Variants in TANC2 observed in about 807,000 individuals in gnomAD.
The protein encoded by TANC2 is protein TANC2.
TANC2 carries 26 observed loss-of-function variants against 210.5 expected under a neutral mutation model. The observed-to-expected ratio is 0.12, with a 90% CI of 0.09 to 0.17. TANC2 has a LOEUF of 0.17. Ranked by LOEUF, TANC2 falls within the 10% of genes least tolerant of loss-of-function variation. TANC2 has a pLI of 1.00. For missense variants in TANC2, 2,129 were observed against 2,608.9 expected (o/e 0.82, Z 4.01); for synonymous variants, 931 against 967.1 (o/e 0.96, Z 0.69).
intron 7 of TANC2, among the ~76,000 whole-genome samples, chr17:63,226,826 C>A (rs1263409667): frequency 6.6e-6 from 1 of 152,118 alleles, no homozygotes; most frequent in African/African-American, 2.4e-5. Flanking sequence ...TTGTTCCACT[C>A]CCACTTATAA....
chr17:63,083,842 C>T (rs2036864018), intron 3 of TANC2, among the ~76,000 whole-genome samples: 1 of 151,998 alleles, frequency 6.6e-6, no homozygotes, highest in African/African-American at 2.4e-5. Flanking sequence ...GTATAAATAC[C>T]ACTTAGTCAT....
intron 1 of TANC2, among the ~76,000 whole-genome samples, chr17:62,975,361 T>C (rs1349418265): frequency 1.3e-5 from 2 of 152,170 alleles, no homozygotes; most frequent in African/African-American, 4.8e-5. Context: ...TGTAATTCTA[T>C]TTCTGTTCAA....
exon 8 of TANC2, chr17:63,238,027 C>T: frequency 6.4e-7 from 1 of 1,557,100 alleles, no homozygotes; most frequent in Non-Finnish European, 8.7e-7. Context: ...TTATCTCAAT[C>T]AGTACAGTCT....
chr17:63,243,957 A>T (rs368350137), intron 8 of TANC2, among the ~76,000 whole-genome samples: 1 of 152,200 alleles, frequency 6.6e-6, no homozygotes, highest in African/African-American at 2.4e-5. Flanking sequence ...AGAAAAATGC[A>T]TGCCTTTTAC....
At chr17:63,358,994 G>GTGTA in intron 14 of TANC2, among the ~76,000 whole-genome samples, 1 of 151,936 alleles carries the variant, frequency 6.6e-6, no homozygotes, top group East Asian at 1.9e-4. Context: ...GTGTGTGTGT[G>GTGTA]TGTGTGTGTG....
chr17:62,974,649 G>A (rs1037078113), intron 1 of TANC2, among the ~76,000 whole-genome samples: 23 of 152,094 alleles, frequency 1.5e-4, no homozygotes, highest in African/African-American at 5.6e-4. Context: ...AGCTAAAATT[G>A]TAATTCAGAA....
chr17:63,270,376 C>A (rs2146285967), intron 9 of TANC2, among the ~76,000 whole-genome samples: 1 of 152,194 alleles, frequency 6.6e-6, no homozygotes, highest in South Asian at 2.1e-4. Context: ...ATTATTATAT[C>A]CACAATGTTG....
chr17:63,172,193 CTT>C (rs549414417), intron 5 of TANC2, among the ~76,000 whole-genome samples: 24 of 130,936 alleles, frequency 1.8e-4, no homozygotes, highest in Admixed American at 4.6e-4. Context: ...CTTTTCTTTT[CTT>C]TTTTTTTTTT....
At chr17:62,973,443 G>C (rs1272943760) in intron 1 of TANC2, among the ~76,000 whole-genome samples, 1 of 152,174 alleles carries the variant, frequency 6.6e-6, no homozygotes, top group Non-Finnish European at 1.5e-5. Context: ...TACATAGTAG[G>C]TGCTCATTAT....
intron 5 of TANC2, among the ~76,000 whole-genome samples, chr17:63,190,858 ACT>A (rs1278005376): frequency 4.6e-5 from 7 of 152,286 alleles, no homozygotes; most frequent in Non-Finnish European, 1.0e-4. Flanking sequence ...TTTTTAAATC[ACT>A]TTCTCTGTTC....
chr17:63,012,278 TC>T (rs1279753380), intron 2 of TANC2, among the ~76,000 whole-genome samples: 1 of 152,094 alleles, frequency 6.6e-6, no homozygotes, highest in African/African-American at 2.4e-5. Context: ...GCCTTGGCCT[TC>T]CAAAGTATTG....
At chr17:63,415,476 T>C in intron 25 of TANC2, 52 bp from the exon 26 acceptor site, 1 of 1,599,532 alleles carries the variant, frequency 6.3e-7, no homozygotes, top group Non-Finnish European at 8.5e-7. Context: ...CCACACTTCC[T>C]CAGCTGTTCA....
Position 63,418,010 on chromosome 17 carries a change from G to C in TANC2, c.4168-297G>C, listed in dbSNP as rs1184869782. ...TTCAGGAGCTTCACTGGAAAGGGTT[G>C]GTGTTTGGCTTCCGGGCTGAGAACT... On this transcript the variant is annotated intron_variant, in intron 26 of 27. Transcript: ENST00000689528. The surrounding 1 kb of genome is among the most constrained non-coding windows in gnomAD (Gnocchi z 4.6). 6.6e-6 allele frequency among the ~76,000 whole-genome samples: 1 copy of C among 152,150 alleles called. No individual in the cohort carries two copies. The highest frequency in any genetic ancestry group is 1.5e-5 in the Non-Finnish European group (1 of 68,022).
At chr17:63,200,580 A>G (rs1024563239) in intron 6 of TANC2, among the ~76,000 whole-genome samples, 191 bp from the exon 7 acceptor site, 2 of 152,178 alleles carry the variant, frequency 1.3e-5, no homozygotes, top group South Asian at 2.1e-4. Context: ...TGTTAATGTT[A>G]AGTTCATCAA....
At chr17:63,415,995 G>A (rs2048846182) in intron 26 of TANC2, among the ~76,000 whole-genome samples, 2 of 152,272 alleles carry the variant, frequency 1.3e-5, no homozygotes, top group South Asian at 4.1e-4. Context: ...TGTGAGAGCA[G>A]TGGTCACTAG....
At chr17:63,252,566 C>T (rs974195946) in intron 8 of TANC2, among the ~76,000 whole-genome samples, 2 of 152,018 alleles carry the variant, frequency 1.3e-5, no homozygotes, top group Admixed American at 6.6e-5. Flanking sequence ...CTCTGGTAAC[C>T]ATCATTCTAC....
chr17:63,126,202 A>T (rs1445225323), intron 4 of TANC2, among the ~76,000 whole-genome samples: 1 of 152,148 alleles, frequency 6.6e-6, no homozygotes, highest in Admixed American at 6.5e-5. Flanking sequence ...TTATTATTAT[A>T]TCCTCAGTCT....
chr17:63,336,905 T>C (rs1567927747), intron 11 of TANC2, among the ~76,000 whole-genome samples: 1 of 152,230 alleles, frequency 6.6e-6, no homozygotes, highest in Non-Finnish European at 1.5e-5. Context: ...AGTGACTATG[T>C]ATGATGACTT....
At chr17:63,068,820 A>G (rs2036295624) in intron 2 of TANC2, among the ~76,000 whole-genome samples, 1 of 152,150 alleles carries the variant, frequency 6.6e-6, no homozygotes, top group Non-Finnish European at 1.5e-5. Context: ...GATAAATTTC[A>G]AAACATAAGT....
Sources: gnomAD v4.1 joint callset for allele counts (sites outside exome capture counted in the v4.1 genomes callset) on GRCh38, gnomAD v4.1.1 for gene constraint, Gnocchi (gnomAD v3.1) non-coding constraint, MANE v1.5 for transcripts, NCBI Gene and HGNC (gene_info 2026-07-23, HGNC 2026-07-21) for gene names.